GALNT18: variants seen among roughly 807,000 people sequenced by gnomAD.
The protein encoded by GALNT18 is polypeptide N-acetylgalactosaminyltransferase 18.
Under a neutral mutation model 69.5 loss-of-function variants are expected in GALNT18, and 44 were observed. The ratio of observed to expected loss-of-function variants is 0.63; its 90% CI spans 0.50 to 0.81. The LOEUF is 0.81. GALNT18 is among the 40% of genes least tolerant of loss of function. The probability of loss-of-function intolerance (pLI) is 0.00; values close to 1 mark genes in which losing one functional copy is unlikely to be tolerated. For synonymous variants in GALNT18, 364 were observed against 318.2 expected, an observed-to-expected ratio of 1.14 and a Z score of -1.53; for missense variants, 715 against 810.0, an observed-to-expected ratio of 0.88 and a Z score of 1.42.
At position 11,387,691 on chromosome 11, in the gene GALNT18, G is replaced by A. The variant is rs1382236206; in HGVS notation, c.596-8427C>T. Among the ~76,000 whole-genome samples the A allele has an allele frequency of 6.6e-6, 1 of 152,198 alleles. No homozygotes were observed. Among genetic ancestry groups the A allele is most frequent in the African/African-American group, 2.4e-5 (1 of 41,442 alleles). ...GATGCAATGGTTGTCAAACCTAGCT[G>A]ATCATCCACATCACATCACATGGGA... On this transcript the variant is annotated intron_variant, in intron 3 of 10. Transcript: ENST00000227756. This position sits in a 1 kb window ranked among gnomAD's most constrained non-coding sequence, Gnocchi z 4.6.
At chr11:11,512,374 T>C (rs193175913) in intron 1 of GALNT18, among the ~76,000 whole-genome samples, 451 of 152,330 alleles carry the variant, frequency 3.0e-3, no homozygotes, top group African/African-American at 0.01. Context: ...TGTTTTTCCT[T>C]GTGGAAATAG....
In GALNT18 at chr11:11,620,409, T is replaced by G. The variant is rs1458900677; in HGVS notation, c.235+950A>C. On this transcript the variant is annotated intron_variant, in intron 1 of 10. Coordinates refer to ENST00000227756, the MANE Select transcript of GALNT18 (RefSeq NM_198516.3). This position sits in a 1 kb window ranked among gnomAD's most constrained non-coding sequence, Gnocchi z 6.9. ...TCCATTCCCTCCCATGACAGCTCAT[T>G]GACCAGGTCGCCTCGGGAGAGCGCC... is the stretch of plus-strand genomic sequence containing the variant. 6.6e-6 allele frequency among the ~76,000 whole-genome samples: 1 copy of G among 152,050 alleles called. No homozygotes were observed. The highest frequency in any genetic ancestry group is 1.5e-5 in the Non-Finnish European group (1 of 67,992).
At chr11:11,530,644 G>A (rs1431140106) in intron 1 of GALNT18, among the ~76,000 whole-genome samples, 1 of 152,228 alleles carries the variant, frequency 6.6e-6, no homozygotes, top group Non-Finnish European at 1.5e-5. Context: ...TGGGACTGGA[G>A]GCCAAGCTCC....
chr11:11,517,019 T>C (rs1857291917), intron 1 of GALNT18, among the ~76,000 whole-genome samples: 2 of 152,184 alleles, frequency 1.3e-5, no homozygotes, highest in South Asian at 4.1e-4. Flanking sequence ...TTATTGCCCT[T>C]ATAAAAGGAA....
In GALNT18 at chr11:11,293,040, G is replaced by T. The variant is rs1466503108; in HGVS notation, c.1666C>A (p.Gln556Lys). ...AKAKRMKLHWQFSQGGPIQNR... is the reference protein window; with the variant it reads ...AKAKRMKLHWKFSQGGPIQNR... ...TCTGGGGCTGTTACCTGAGAGAACT[G>T]CCAGTGAAGCTTCATCCTCTTGGCT... The change falls in exon 10 of 11, where the codon CAG becomes AAG. Residue 556 changes from glutamine to lysine, a missense_variant. By Grantham distance (53) the Gln-to-Lys change is moderately conservative. Transcript: ENST00000227756. 7.2e-7 allele frequency: 1 copy of T among 1,381,452 alleles called. No individual in the cohort carries two copies. The highest frequency in any genetic ancestry group is 9.4e-7 in the Non-Finnish European group (1 of 1,058,402). The allele number at this position is 1,381,452 out of a possible 1,614,324, so 85.6% of individuals were successfully genotyped here.
chr11:11,407,180 A>G (rs1447568305), intron 3 of GALNT18, among the ~76,000 whole-genome samples: 1 of 152,224 alleles, frequency 6.6e-6, no homozygotes, highest in African/African-American at 2.4e-5. Context: ...TGTTCAGGCC[A>G]AGGCCGTAAA....
At chr11:11,490,923 C>G (rs1590048348) in intron 1 of GALNT18, among the ~76,000 whole-genome samples, 1 of 152,348 alleles carries the variant, frequency 6.6e-6, no homozygotes, top group Non-Finnish European at 1.5e-5. Context: ...GGCATAGCCA[C>G]ACTCCCAGAC....
Position 11,618,864 on chromosome 11 carries a change from C to G in GALNT18, c.235+2495G>C, listed in dbSNP as rs576708235. Among the ~76,000 whole-genome samples, 3 of 152,318 alleles carry G rather than the reference C, an allele frequency of 2.0e-5. No homozygotes were observed. The highest frequency in any genetic ancestry group is 1.3e-4 in the Admixed American group (2 of 15,300). On this transcript the variant is annotated intron_variant, in intron 1 of 10. Transcript: ENST00000227756. This position sits in a 1 kb window ranked among gnomAD's most constrained non-coding sequence, Gnocchi z 6.1. ...TTACCGCTTATTCCCTCCAGTTCAG[C>G]AAAGTAAACTGGATTGTTCAAAGGG...
At chr11:11,284,021 C>G (rs1416138254) in intron 10 of GALNT18, among the ~76,000 whole-genome samples, 5 of 151,808 alleles carry the variant, frequency 3.3e-5, no homozygotes, top group African/African-American at 1.2e-4. Flanking sequence ...ACGTAGGACT[C>G]TGTGCCCCGC....
chr11:11,508,290 A>T (rs955354665), intron 1 of GALNT18, among the ~76,000 whole-genome samples: 15 of 152,084 alleles, frequency 9.9e-5, no homozygotes, highest in African/African-American at 3.6e-4. Context: ...ACGCTATTTG[A>T]GGTAGGAGAT....
At chr11:11,368,383 T>C (rs1366898508) in intron 6 of GALNT18, among the ~76,000 whole-genome samples, 1 of 152,226 alleles carries the variant, frequency 6.6e-6, no homozygotes, top group Non-Finnish European at 1.5e-5. Flanking sequence ...AGCCATCATT[T>C]ATTTAAATAT....
In GALNT18 at chr11:11,542,878, G is replaced by A. The variant is rs1011280068; in HGVS notation, c.235+78481C>T. On this transcript the variant is annotated intron_variant, in intron 1 of 10. Transcript: ENST00000227756. This position sits in a 1 kb window ranked among gnomAD's most constrained non-coding sequence, Gnocchi z 4.3. ...CTTTGCTTTCTGAGACTCAGCCACA[G>A]CCTTTGGGCAAAGTGTTTAATGGTC... Among the ~76,000 whole-genome samples the A allele has an allele frequency of 6.6e-6, 1 of 152,218 alleles. No homozygotes were observed. Among genetic ancestry groups the A allele is most frequent in the Non-Finnish European group, 1.5e-5 (1 of 68,044 alleles).
In GALNT18 at chr11:11,340,997, T is replaced by A. The variant is rs1259114493; in HGVS notation, c.1100A>T (p.Gln367Leu). The A allele has an allele frequency of 1.3e-6, 2 of 1,597,838 alleles. No homozygotes were observed. The highest frequency in any genetic ancestry group is 4.5e-5 in the East Asian group (2 of 44,156). ...ENVELGIRVWQCGGSVEVLPC... is the reference protein window; with the variant it reads ...ENVELGIRVWLCGGSVEVLPC... ...CAGGACCTCCACACTCCCGCCACACTGCCACACCTGCAGAAGACATGGAGC... is the reference window on the plus strand; with the variant it reads ...CAGGACCTCCACACTCCCGCCACACAGCCACACCTGCAGAAGACATGGAGC... The change falls in exon 7 of 11, where the codon CAG becomes CTG. Residue 367 changes from glutamine (Q) to leucine (L), a missense_variant. Transcript: ENST00000227756. The surrounding 1 kb of genome is among the most constrained non-coding windows in gnomAD (Gnocchi z 4.2).
At chr11:11,510,194 C>T (rs1013114883) in intron 1 of GALNT18, among the ~76,000 whole-genome samples, 7 of 152,194 alleles carry the variant, frequency 4.6e-5, no homozygotes, top group African/African-American at 1.7e-4. Flanking sequence ...AAGATTCACA[C>T]AAGGCAATGT....
intron 1 of GALNT18, among the ~76,000 whole-genome samples, chr11:11,532,082 T>C (rs1003644017): frequency 6.6e-6 from 1 of 152,154 alleles, no homozygotes; most frequent in Non-Finnish European, 1.5e-5. Flanking sequence ...TGAATCCAAG[T>C]GCCCCATTTT....
intron 7 of GALNT18, among the ~76,000 whole-genome samples, chr11:11,333,731 G>A (rs956929931): frequency 1.3e-5 from 2 of 152,060 alleles, no homozygotes; most frequent in African/African-American, 4.8e-5. Context: ...CAGCAGCCAG[G>A]GAGCAGAAGT....
chr11:11,495,036 CAA>C (rs79634554), intron 1 of GALNT18, among the ~76,000 whole-genome samples: 2 of 129,940 alleles, frequency 1.5e-5, no homozygotes, highest in Non-Finnish European at 1.7e-5. Flanking sequence ...AGGAGTGTCT[CAA>C]AAAAAAAAAA....
At chr11:11,484,294 C>T (rs1283657388) in intron 1 of GALNT18, among the ~76,000 whole-genome samples, 4 of 151,904 alleles carry the variant, frequency 2.6e-5, no homozygotes, top group Non-Finnish European at 1.5e-5. Context: ...TGCTTCATTT[C>T]AAATATAGCC....
chr11:11,545,020 AT>A (rs1463989155), intron 1 of GALNT18, among the ~76,000 whole-genome samples: 1 of 152,214 alleles, frequency 6.6e-6, no homozygotes, highest in Non-Finnish European at 1.5e-5. Flanking sequence ...TTAGAGCAGT[AT>A]TTACAGAGTA....
Sources: gnomAD v4.1 joint callset for allele counts (sites outside exome capture counted in the v4.1 genomes callset) on GRCh38, gnomAD v4.1.1 for gene constraint, Gnocchi (gnomAD v3.1) non-coding constraint, MANE v1.5 for transcripts, NCBI Gene and HGNC (gene_info 2026-07-23, HGNC 2026-07-21) for gene names.